Variants in MMP16 observed in about 807,000 individuals in gnomAD.
MMP16 encodes the protein matrix metallopeptidase 16.
A neutral mutation model predicts 67.8 loss-of-function variants in MMP16; 12 were observed. The ratio of observed to expected loss-of-function variants is 0.18; its 90% CI spans 0.11 to 0.29. MMP16 has a LOEUF of 0.29. MMP16 is among the 10% of genes least tolerant of loss of function. The pLI is 1.00. For synonymous variants in MMP16, 249 were observed against 255.9 expected (o/e 0.97, Z 0.26); for missense variants, 475 against 765.7 (o/e 0.62, Z 4.48).
At chr8:88,146,164 G>A (rs968764048) in intron 4 of MMP16, among the ~76,000 whole-genome samples, 2 of 151,820 alleles carry the variant, frequency 1.3e-5, no homozygotes, top group Non-Finnish European at 2.9e-5. Flanking sequence ...TCAATTCAAT[G>A]TGATGGGTAA....
At chr8:88,268,989 TA>T (rs1272495711) in intron 1 of MMP16, among the ~76,000 whole-genome samples, 2 of 152,138 alleles carry the variant, frequency 1.3e-5, no homozygotes, top group African/African-American at 4.8e-5. Context: ...ATGGAGGATC[TA>T]GGCAGGATTC....
At chr8:88,199,917 C>T (rs984941443) in intron 1 of MMP16, among the ~76,000 whole-genome samples, 3 of 151,860 alleles carry the variant, frequency 2.0e-5, no homozygotes, top group Admixed American at 6.6e-5. Flanking sequence ...CTCAAATGCA[C>T]ATTATGAATA....
In MMP16 at chr8:88,099,098, T is replaced by C. The variant is rs141363587; in HGVS notation, c.1083+17409A>G. ...AAATCTAACATATAGATTCAAATTT[T>C]ATGTACATGTTCTAAATTTCATATA... is the stretch of plus-strand genomic sequence containing the variant. On this transcript the variant is annotated intron_variant, in intron 6 of 9. Coordinates refer to ENST00000286614, the MANE Select transcript of MMP16 (RefSeq NM_005941.5). Among the ~76,000 whole-genome samples the C allele has an allele frequency of 3.8e-4, 58 of 151,908 alleles. 1 individual carries two copies. In the East Asian group the frequency reaches 0.011, roughly 29 times the overall value.
intron 1 of MMP16, among the ~76,000 whole-genome samples, chr8:88,290,056 T>A (rs1437178733): frequency 6.6e-6 from 1 of 152,050 alleles, no homozygotes; most frequent in African/African-American, 2.4e-5. Context: ...TCTGTGCATA[T>A]CCATAAATGA....
chr8:88,238,491 C>G (rs1309347164), intron 1 of MMP16, among the ~76,000 whole-genome samples: 1 of 151,624 alleles, frequency 6.6e-6, no homozygotes, highest in Non-Finnish European at 1.5e-5. Context: ...AACTCTCTCT[C>G]TACTAAAAAT....
At chr8:88,068,265 T>C (rs998369071) in intron 7 of MMP16, among the ~76,000 whole-genome samples, 6 of 152,134 alleles carry the variant, frequency 3.9e-5, no homozygotes, top group African/African-American at 1.4e-4. Context: ...TTGTTTGTTT[T>C]CTTTTTATTG....
intron 6 of MMP16, among the ~76,000 whole-genome samples, chr8:88,107,829 A>T (rs893802811): frequency 6.6e-6 from 1 of 151,136 alleles, no homozygotes; most frequent in Admixed American, 6.6e-5. Context: ...TGTTGAGTAA[A>T]ACTAAAAACT....
intron 1 of MMP16, among the ~76,000 whole-genome samples, chr8:88,320,426 A>C (rs1490370326): frequency 4.6e-5 from 7 of 152,184 alleles, no homozygotes; most frequent in Non-Finnish European, 8.8e-5. Flanking sequence ...TAGTCACTAC[A>C]ATGTATAGTT....
At chr8:88,275,170 A>T (rs1318011528) in intron 1 of MMP16, among the ~76,000 whole-genome samples, 3 of 152,010 alleles carry the variant, frequency 2.0e-5, no homozygotes, top group Non-Finnish European at 4.4e-5. Context: ...ATGAGGATCA[A>T]ATTGCAGCTT....
At position 88,101,457 on chromosome 8, in the gene MMP16, A is replaced by T. The variant is rs367791957; in HGVS notation, c.1083+15050T>A. 9.9e-4 allele frequency among the ~76,000 whole-genome samples: 150 copies of T among 151,994 alleles called. 3 individuals are homozygous for T. The South Asian group carries it at 0.03, about 30-fold the overall frequency. ...CTATCTCTATTCAAGAGATTTCAGG[A>T]TTATGAATAAGGAGGTTTATGTGTC... On this transcript the variant is annotated intron_variant, in intron 6 of 9. Coordinates refer to ENST00000286614, the MANE Select transcript of MMP16 (RefSeq NM_005941.5).
chr8:88,106,392 T>C (rs914055972), intron 6 of MMP16, among the ~76,000 whole-genome samples: 2 of 151,312 alleles, frequency 1.3e-5, no homozygotes, highest in African/African-American at 4.8e-5. Context: ...GGCTAGGCTA[T>C]GTCTAAGGCT....
intron 1 of MMP16, among the ~76,000 whole-genome samples, chr8:88,285,333 T>C (rs1377398406): frequency 6.6e-6 from 1 of 151,834 alleles, no homozygotes; most frequent in African/African-American, 2.4e-5. Flanking sequence ...AGCGATGGGG[T>C]TTCACCAGGT....
chr8:88,305,135 G>A (rs758301016), intron 1 of MMP16, among the ~76,000 whole-genome samples: 1 of 152,114 alleles, frequency 6.6e-6, no homozygotes, highest in Non-Finnish European at 1.5e-5. Context: ...AAAAAGCAGG[G>A]ATTGCAATCT....
At chr8:88,088,985 C>G (rs1808889560) in intron 6 of MMP16, among the ~76,000 whole-genome samples, 2 of 152,034 alleles carry the variant, frequency 1.3e-5, no homozygotes, top group South Asian at 4.1e-4. Flanking sequence ...AAGCCTTGAA[C>G]AATTATGTCG....
chr8:88,124,467 G>T (rs910908812), intron 4 of MMP16, among the ~76,000 whole-genome samples: 1 of 151,802 alleles, frequency 6.6e-6, no homozygotes. Flanking sequence ...CCCCCATATA[G>T]TCCAGGTCCA....
chr8:88,154,790 C>T (rs1005687997), intron 4 of MMP16, among the ~76,000 whole-genome samples: 6 of 147,530 alleles, frequency 4.1e-5, no homozygotes, highest in Non-Finnish European at 8.9e-5. Flanking sequence ...GTGGGTGCAG[C>T]GCACCAGCAT....
chr8:88,132,759 G>C (rs766161110), intron 4 of MMP16, among the ~76,000 whole-genome samples: 1 of 151,884 alleles, frequency 6.6e-6, no homozygotes, highest in Non-Finnish European at 1.5e-5. Context: ...CTCAGGAGGA[G>C]AGGATTATAC....
chr8:88,189,341 T>C (rs774121659), intron 2 of MMP16, among the ~76,000 whole-genome samples: 12 of 152,072 alleles, frequency 7.9e-5, no homozygotes, highest in Non-Finnish European at 1.6e-4. Flanking sequence ...ATCATGATAT[T>C]CCTACCCCAA....
chr8:88,181,268 T>C (rs1206629390), intron 3 of MMP16, among the ~76,000 whole-genome samples: 1 of 152,058 alleles, frequency 6.6e-6, no homozygotes, highest in Admixed American at 6.5e-5. Context: ...ACAGATGATA[T>C]ATCCTCTATT....
Sources: gnomAD v4.1 joint callset for allele counts (sites outside exome capture counted in the v4.1 genomes callset) on GRCh38, gnomAD v4.1.1 for gene constraint, MANE v1.5 for transcripts, NCBI Gene and HGNC (gene_info 2026-07-23, HGNC 2026-07-21) for gene names.